The following CDK6 variants were observed in gnomAD, a reference collection of about 807,000 sequenced individuals.
CDK6 encodes the protein cyclin dependent kinase 6, also known as cyclin-dependent kinase 6.
Under a neutral mutation model 37.1 loss-of-function variants are expected in CDK6, and 6 were observed. The ratio of observed to expected loss-of-function variants is 0.16; its 90% CI spans 0.09 to 0.32. The LOEUF (loss-of-function observed/expected upper bound fraction) is 0.32. Among genes scored for constraint, CDK6 ranks in the 10% least tolerant of loss-of-function variants. CDK6 has a pLI of 1.00. For synonymous variants in CDK6, 160 were observed against 161.3 expected (o/e 0.99, Z 0.06); for missense variants, 224 against 418.9 (o/e 0.53, Z 4.06).
At chr7:92,793,258 T>A (rs1800326051) in intron 2 of CDK6, among the ~76,000 whole-genome samples, 1 of 152,024 alleles carries the variant, frequency 6.6e-6, no homozygotes, top group Non-Finnish European at 1.5e-5. Flanking sequence ...GATCCTAGAC[T>A]TCATATGATA....
At chr7:92,730,692 G>A (rs1368690539) in intron 3 of CDK6, among the ~76,000 whole-genome samples, 1 of 152,182 alleles carries the variant, frequency 6.6e-6, no homozygotes, top group African/African-American at 2.4e-5. Context: ...GTTCATTCAT[G>A]TTGTGGTGTG....
intron 3 of CDK6, among the ~76,000 whole-genome samples, chr7:92,742,729 A>G (rs1055777561): frequency 6.9e-6 from 1 of 145,702 alleles, no homozygotes; most frequent in Non-Finnish European, 1.5e-5. Context: ...TATAAAATGT[A>G]TACATATATA....
At position 92,613,396 on chromosome 7, in the gene CDK6, C is replaced by CT. The variant is rs1795603358; in HGVS notation, c.*1743dup. 1 of 233,714 alleles carries CT rather than the reference C, an allele frequency of 4.3e-6. No individual in the cohort carries two copies. The highest frequency in any genetic ancestry group is 1.8e-4 in the South Asian group (1 of 5,534). 14.5% of individuals were successfully genotyped at this position (233,714 alleles called of 1,614,324 possible). ...GCATGATCTAACTGTTGCATGCACT[C>CT]TGAGTCAGAAAGCACAGGTGGCTAA... is the stretch of plus-strand genomic sequence containing the variant. On this transcript the variant is annotated 3_prime_UTR_variant, in exon 8 of 8. Transcript: ENST00000424848.
chr7:92,694,191 T>G (rs1797658131), intron 4 of CDK6, among the ~76,000 whole-genome samples: 1 of 152,226 alleles, frequency 6.6e-6, no homozygotes, highest in Admixed American at 6.5e-5. Context: ...TATATCCAGA[T>G]ATACCTCTGG....
chr7:92,818,508 G>GA (rs1461383127), intron 2 of CDK6, among the ~76,000 whole-genome samples: 1 of 151,000 alleles, frequency 6.6e-6, no homozygotes, highest in Admixed American at 6.6e-5. Context: ...GAAAACATAG[G>GA]AAAAATCCTA....
chr7:92,732,430 A>G (rs1293704620), intron 3 of CDK6, among the ~76,000 whole-genome samples: 1 of 152,152 alleles, frequency 6.6e-6, no homozygotes, highest in Non-Finnish European at 1.5e-5. Context: ...AAATTTTAAT[A>G]AGCTTTCTAA....
At chr7:92,774,675 C>T (rs1799802596) in intron 3 of CDK6, 21 bp downstream of exon 3, 1 of 1,577,980 alleles carries the variant, frequency 6.3e-7, no homozygotes, top group South Asian at 1.2e-5. Context: ...CCTGATAAGA[C>T]ATGAAGATGA....
rs561442656 is a variant in CDK6, at chr7:92,835,672, C to T, written c.-368+806G>A. On this transcript the variant is annotated intron_variant, in intron 1 of 7. Coordinates refer to ENST00000424848, the MANE Select transcript of CDK6 (RefSeq NM_001145306.2). This position sits in a 1 kb window ranked among gnomAD's most constrained non-coding sequence, Gnocchi z 4.2. ...ATCCTTCATGCGCCTCTCCCGAAGC[C>T]TGCCAAGCACCACAAGGGTCGCCAC... Among the ~76,000 whole-genome samples, 58 of 152,328 alleles carry T rather than the reference C, an allele frequency of 3.8e-4. No individual in the cohort carries two copies. Among genetic ancestry groups the T allele is most frequent in the African/African-American group, 1.3e-3 (55 of 41,582 alleles).
At chr7:92,710,672 T>C in intron 4 of CDK6, 1 of 982,944 alleles carries the variant, frequency 1.0e-6, no homozygotes, top group Non-Finnish European at 1.2e-6. Flanking sequence ...AGTAATGAAG[T>C]TAAACAAAGG....
intron 5 of CDK6, among the ~76,000 whole-genome samples, chr7:92,626,944 G>A (rs960480033): frequency 6.6e-6 from 1 of 151,998 alleles, no homozygotes; most frequent in Non-Finnish European, 1.5e-5. Context: ...TGCAAAAAAG[G>A]TAGTTTGGCA....
intron 2 of CDK6, among the ~76,000 whole-genome samples, chr7:92,818,986 C>T (rs937003367): frequency 1.3e-5 from 2 of 152,022 alleles, no homozygotes; most frequent in African/African-American, 4.8e-5. Context: ...AATGGAACAA[C>T]CAGTTTGGAG....
rs1035459503 is a variant in CDK6, at chr7:92,833,455, C to T, written c.-132G>A. 3 of 641,816 alleles carry T rather than the reference C, an allele frequency of 4.7e-6. No homozygotes were observed. The highest frequency in any genetic ancestry group is 3.9e-5 in the African/African-American group (2 of 51,282). The allele number at this position is 641,816 out of a possible 1,614,324, so 39.8% of individuals were successfully genotyped here. The stretch of plus-strand genomic sequence containing the variant: ...TAGCTTTACTTGCTCCCCGCCGGCT[C>T]AGGCGCTCGGGCGCTGGGGCTTTCG... On this transcript the variant is annotated 5_prime_UTR_variant, in exon 2 of 8. Transcript: ENST00000424848. The surrounding 1 kb of genome is among the most constrained non-coding windows in gnomAD (Gnocchi z 6.1).
intron 2 of CDK6, among the ~76,000 whole-genome samples, chr7:92,798,453 C>G (rs1584099877): frequency 1.3e-5 from 2 of 152,274 alleles, no homozygotes; most frequent in East Asian, 1.9e-4. Flanking sequence ...AAAAGGAATT[C>G]AACAAATATT....
intron 2 of CDK6, among the ~76,000 whole-genome samples, chr7:92,806,853 T>C (rs936213100): frequency 6.6e-6 from 1 of 152,210 alleles, no homozygotes; most frequent in African/African-American, 2.4e-5. Flanking sequence ...GTTTTATCCA[T>C]ATTTTTCTAC....
At chr7:92,782,162 G>A (rs1167471673) in intron 2 of CDK6, among the ~76,000 whole-genome samples, 9 of 152,144 alleles carry the variant, frequency 5.9e-5, no homozygotes, top group Non-Finnish European at 4.4e-5. Flanking sequence ...GTTTTTAAAA[G>A]CTTTACTATC....
chr7:92,763,122 C>T (rs1306511409), intron 3 of CDK6, among the ~76,000 whole-genome samples: 1 of 152,108 alleles, frequency 6.6e-6, no homozygotes, highest in Non-Finnish European at 1.5e-5. Context: ...CAACAGTGAA[C>T]ACTGGTAATA....
At chr7:92,714,573 C>T (rs895570288) in intron 4 of CDK6, among the ~76,000 whole-genome samples, 2 of 152,152 alleles carry the variant, frequency 1.3e-5, no homozygotes, top group African/African-American at 2.4e-5. Flanking sequence ...GCTGTTCCCA[C>T]AGCTCCCTTC....
intron 4 of CDK6, among the ~76,000 whole-genome samples, chr7:92,703,428 T>C (rs1351904292): frequency 1.3e-5 from 2 of 152,216 alleles, no homozygotes; most frequent in Non-Finnish European, 2.9e-5. Flanking sequence ...TAACTAATGA[T>C]ATGACATGTT....
rs147249390 is a variant in CDK6 at position 92,763,808 on chromosome 7, T to C, written c.369+10888A>G. On this transcript the variant is annotated intron_variant, in intron 3 of 7. Coordinates refer to ENST00000424848, the MANE Select transcript of CDK6 (RefSeq NM_001145306.2). The stretch of plus-strand genomic sequence containing the variant: ...TTCCCACTTGTGTCATATGACATAC[T>C]GCGGGGGTTGGGAGTATGTCTTAAG... 2.9e-3 allele frequency among the ~76,000 whole-genome samples: 444 copies of C among 152,292 alleles called. 2 individuals carry two copies. The highest frequency in any genetic ancestry group is 0.01 in the African/African-American group (423 of 41,564).
Sources: allele counts gnomAD v4.1 joint callset (sites outside exome capture counted in the v4.1 genomes callset), GRCh38; gene constraint gnomAD v4.1.1; non-coding constraint Gnocchi (gnomAD v3.1); transcripts MANE v1.5; gene names NCBI Gene and HGNC (gene_info 2026-07-23, HGNC 2026-07-21).